Variants in NLGN1 observed in about 807,000 individuals in gnomAD.
NLGN1 encodes the protein neuroligin-1.
A neutral mutation model predicts 65.5 loss-of-function variants in NLGN1; 12 were observed. The ratio of observed to expected loss-of-function variants is 0.18; its 90% CI spans 0.12 to 0.30. NLGN1 has a LOEUF of 0.30. Ranked by LOEUF, NLGN1 falls within the 10% of genes least tolerant of loss-of-function variation. The pLI is 1.00. For missense variants in NLGN1, 750 were observed against 1,007.1 expected, an observed-to-expected ratio of 0.74 and a Z score of 3.46; for synonymous variants, 350 against 359.5, an observed-to-expected ratio of 0.97 and a Z score of 0.30.
At chr3:174,060,437 T>G (rs1737144746) in intron 4 of NLGN1, among the ~76,000 whole-genome samples, 1 of 151,860 alleles carries the variant, frequency 6.6e-6, no homozygotes. Context: ...CCAGAACATA[T>G]GCCCCCCTTT....
At chr3:173,951,758 G>C (rs769486438) in intron 4 of NLGN1, among the ~76,000 whole-genome samples, 23 of 152,214 alleles carry the variant, frequency 1.5e-4, no homozygotes, top group Middle Eastern at 3.4e-3. Flanking sequence ...ACTGCGCCAG[G>C]CCGAGACCAG....
chr3:173,604,050 GC>G (rs1225453724), intron 2 of NLGN1, among the ~76,000 whole-genome samples: 1 of 152,034 alleles, frequency 6.6e-6, no homozygotes, highest in Non-Finnish European at 1.5e-5. Flanking sequence ...TTTTAATAAA[GC>G]CTGCTTCCAT....
chr3:173,768,886 T>C (rs1284561363), intron 3 of NLGN1, among the ~76,000 whole-genome samples: 1 of 151,892 alleles, frequency 6.6e-6, no homozygotes, highest in Non-Finnish European at 1.5e-5. Context: ...AAGCTATCAT[T>C]CCACCCCAGC....
rs183419321 is a variant in NLGN1, at chr3:173,986,526, A to G, written c.646+178694A>G. ...GATGGGGGGAAATTTGGACACCAAG[A>G]CAGACATGCACCAAGGGAAGATAAT... On this transcript the variant is annotated intron_variant, in intron 4 of 6. Coordinates refer to ENST00000457714, the Ensembl canonical transcript of NLGN1. Among the ~76,000 whole-genome samples the G allele has an allele frequency of 1.5e-3, 236 of 152,286 alleles. 2 individuals carry two copies. Among genetic ancestry groups the G allele is most frequent in the Non-Finnish European group, 2.2e-3 (150 of 68,022 alleles).
intron 3 of NLGN1, among the ~76,000 whole-genome samples, chr3:173,663,147 T>C (rs1338180656): frequency 6.6e-6 from 1 of 152,016 alleles, no homozygotes; most frequent in Non-Finnish European, 1.5e-5. Flanking sequence ...CATTTAATAG[T>C]TATATGACTT....
chr3:174,280,493 A>AC lies in NLGN1; in HGVS notation c.1664dup (p.Val556SerfsTer16), dbSNP rs1751354984. 2 of 1,600,786 alleles carry AC rather than the reference A, an allele frequency of 1.2e-6. No homozygotes were observed. The highest frequency in any genetic ancestry group is 1.7e-5 in the Admixed American group (1 of 57,534). The stretch of plus-strand genomic sequence containing the variant: ...TTTTCCTTCTTAGTGACCCAAATCA[A>AC]CCAGTCCCTCAAGACACGAAATTCA... On this transcript the variant is annotated frameshift_variant, in exon 7 of 7. Transcript: ENST00000457714. LOFTEE classifies it high-confidence loss of function. This position sits in a 1 kb window ranked among gnomAD's most constrained non-coding sequence, Gnocchi z 4.9.
At chr3:174,204,159 G>A (rs1735009880) in intron 4 of NLGN1, among the ~76,000 whole-genome samples, 2 of 151,988 alleles carry the variant, frequency 1.3e-5, no homozygotes, top group African/African-American at 2.4e-5. Context: ...GAGCAGTAGG[G>A]CTTTTTGTTT....
At chr3:173,613,005 C>A (rs1315197613) in intron 3 of NLGN1, among the ~76,000 whole-genome samples, 1 of 152,046 alleles carries the variant, frequency 6.6e-6, no homozygotes, top group Non-Finnish European at 1.5e-5. Flanking sequence ...AACCTAATGA[C>A]CTCAACGTAA....
At chr3:173,745,930 C>G (rs1775295835) in intron 3 of NLGN1, among the ~76,000 whole-genome samples, 1 of 152,110 alleles carries the variant, frequency 6.6e-6, no homozygotes. Flanking sequence ...ATTGCAATCA[C>G]TTATCCAAGT....
intron 4 of NLGN1, among the ~76,000 whole-genome samples, chr3:174,035,903 C>G (rs140024256): frequency 1.3e-5 from 2 of 152,090 alleles, no homozygotes; most frequent in African/African-American, 4.8e-5. Flanking sequence ...AGTCCACCCC[C>G]CTCATTCCAA....
At position 173,807,609 on chromosome 3, in the gene NLGN1, A is replaced by G. The variant is rs114434260; in HGVS notation, c.494-71A>G. The G allele has an allele frequency of 2.7e-3, 4,074 of 1,527,374 alleles. 118 individuals carry two copies. The African/African-American group carries it at 0.051, about 19-fold the overall frequency. The allele number at this position is 1,527,374 out of a possible 1,614,324, so 94.6% of individuals were successfully genotyped here. On this transcript the variant is annotated intron_variant, in intron 3 of 6. Coordinates refer to ENST00000457714, the Ensembl canonical transcript of NLGN1. ...TTATGCCCTCTTTTCACTAAGATGG[A>G]AAATGTATTCTCTGCTTCATTGTGT... is the stretch of plus-strand genomic sequence containing the variant.
At chr3:173,807,738 T>C in exon 4 of NLGN1, 1 of 1,613,744 alleles carries the variant, frequency 6.2e-7, no homozygotes, top group Admixed American at 1.7e-5. Flanking sequence ...GTGGCTCATA[T>C]ATGGAAGGTA....
At chr3:173,535,855 C>T (rs1737346527) in intron 2 of NLGN1, among the ~76,000 whole-genome samples, 1 of 152,142 alleles carries the variant, frequency 6.6e-6, no homozygotes, top group Non-Finnish European at 1.5e-5. Context: ...GATTTAAATA[C>T]AGGCAAGGGC....
intron 4 of NLGN1, among the ~76,000 whole-genome samples, chr3:174,030,139 T>C (rs2152471279): frequency 6.6e-6 from 1 of 151,428 alleles, no homozygotes; most frequent in East Asian, 1.9e-4. Flanking sequence ...TTTTTTTTTT[T>C]TTTGAGACAG....
At chr3:173,994,149 C>T (rs1036498620) in intron 4 of NLGN1, among the ~76,000 whole-genome samples, 2 of 152,008 alleles carry the variant, frequency 1.3e-5, no homozygotes, top group South Asian at 4.2e-4. Context: ...ACTCTGTCAC[C>T]CAGGTTGGAG....
chr3:173,590,056 A>G (rs945867639), intron 2 of NLGN1, among the ~76,000 whole-genome samples: 1 of 152,158 alleles, frequency 6.6e-6, no homozygotes, highest in African/African-American at 2.4e-5. Context: ...CTTCTATGAC[A>G]GAACTGACCA....
intron 3 of NLGN1, among the ~76,000 whole-genome samples, chr3:173,707,019 G>A (rs774100763): frequency 3.1e-4 from 47 of 152,114 alleles, no homozygotes; most frequent in Non-Finnish European, 5.4e-4. Flanking sequence ...TTCCTTTATA[G>A]AACTTATATG....
chr3:173,399,276 A>G (rs1717210851), intron 1 of NLGN1, among the ~76,000 whole-genome samples: 1 of 152,160 alleles, frequency 6.6e-6, no homozygotes, highest in Admixed American at 6.5e-5. Flanking sequence ...AGTCTTCCCA[A>G]TCCTCTTAAC....
intron 3 of NLGN1, among the ~76,000 whole-genome samples, chr3:173,621,121 G>A (rs1194887075): frequency 6.6e-6 from 1 of 151,904 alleles, no homozygotes; most frequent in Non-Finnish European, 1.5e-5. Flanking sequence ...ACTGCACTTG[G>A]GTACTCAAAA....
Sources: allele counts gnomAD v4.1 joint callset (sites outside exome capture counted in the v4.1 genomes callset), GRCh38; gene constraint gnomAD v4.1.1; non-coding constraint Gnocchi (gnomAD v3.1); transcripts MANE v1.5; gene names NCBI Gene and HGNC (gene_info 2026-07-23, HGNC 2026-07-21).